EYS: variants seen among roughly 807,000 people sequenced by gnomAD.
The protein encoded by EYS is protein eyes shut homolog.
Under a neutral mutation model 282.1 loss-of-function variants are expected in EYS, and 250 were observed. The observed-to-expected ratio is 0.89, with a 90% CI of 0.80 to 0.98. The LOEUF is 0.98. Ranked by LOEUF, EYS falls within the 50% of genes least tolerant of loss-of-function variation. The pLI is 0.00. For missense variants in EYS, 4,016 were observed against 3,709.0 expected (o/e 1.08, Z -2.15); for synonymous variants, 1,355 against 1,282.9 (o/e 1.06, Z -1.20).
At chr6:64,192,894 G>T (rs1765159692) in intron 31 of EYS, among the ~76,000 whole-genome samples, 1 of 152,096 alleles carries the variant, frequency 6.6e-6, no homozygotes. Flanking sequence ...TTGTCCCATT[G>T]ATCTTTACTG....
chr6:64,509,442 T>C (rs887379551), intron 26 of EYS, among the ~76,000 whole-genome samples: 2 of 152,146 alleles, frequency 1.3e-5, no homozygotes, highest in African/African-American at 4.8e-5. Flanking sequence ...AATTATATGT[T>C]CCTTAAAGTG....
chr6:65,674,668 C>T (rs1468931899), intron 1 of EYS, among the ~76,000 whole-genome samples: 1 of 151,824 alleles, frequency 6.6e-6, no homozygotes, highest in Non-Finnish European at 1.5e-5. Context: ...GAAATAAAGA[C>T]ATTTCCAGAT....
At chr6:64,961,452 C>CAT (rs34407029) in intron 14 of EYS, among the ~76,000 whole-genome samples, 1,743 of 149,290 alleles carry the variant, frequency 0.012, 17 homozygotes, top group Admixed American at 0.018. Flanking sequence ...TCCAATATAT[C>CAT]ATATATATAT....
intron 35 of EYS, among the ~76,000 whole-genome samples, chr6:63,906,689 C>T (rs1225737705): frequency 6.6e-6 from 1 of 152,018 alleles, no homozygotes; most frequent in Non-Finnish European, 1.5e-5. Context: ...TTGCAAATCT[C>T]CTGTATTGCT....
At chr6:64,296,140 T>G (rs1272980213) in intron 30 of EYS, among the ~76,000 whole-genome samples, 1 of 152,176 alleles carries the variant, frequency 6.6e-6, no homozygotes, top group Non-Finnish European at 1.5e-5. Flanking sequence ...TTATCAAGTT[T>G]TGGCATAATA....
intron 12 of EYS, among the ~76,000 whole-genome samples, chr6:65,249,679 AAC>A (rs769071313): frequency 9.2e-5 from 14 of 152,088 alleles, no homozygotes; most frequent in Non-Finnish European, 1.8e-4. Context: ...CAAGCATTAA[AAC>A]ACATTTATTG....
intron 29 of EYS, among the ~76,000 whole-genome samples, chr6:64,335,593 G>C (rs6932371): frequency 1.3e-5 from 2 of 152,046 alleles, no homozygotes; most frequent in African/African-American, 2.4e-5. Context: ...CGTATGTCCG[G>C]CTGAGCCAGT....
At chr6:65,342,600 T>C (rs1435224912) in intron 10 of EYS, among the ~76,000 whole-genome samples, 4 of 150,574 alleles carry the variant, frequency 2.7e-5, no homozygotes, top group Admixed American at 6.6e-5. Flanking sequence ...TATAAAAATA[T>C]AGTCTCTAAA....
At chr6:64,197,570 T>C (rs1049429854) in intron 31 of EYS, among the ~76,000 whole-genome samples, 2 of 152,198 alleles carry the variant, frequency 1.3e-5, no homozygotes, top group African/African-American at 2.4e-5. Context: ...GTCTAACTTA[T>C]CATTTTGTCA....
In EYS at chr6:64,626,072, G is replaced by A. The variant is rs767554431; in HGVS notation, c.3568+49C>T. On this transcript the variant is annotated intron_variant, in intron 23 of 42. Transcript: ENST00000503581. ...CATGTCCATATACATTTACATAAACGTATATATTATTATATATGCAGTATG... is the reference window on the plus strand; with the variant it reads ...CATGTCCATATACATTTACATAAACATATATATTATTATATATGCAGTATG... 1.8e-4 allele frequency: 204 copies of A among 1,117,922 alleles called. 1 individual carries two copies. Among genetic ancestry groups the A allele is most frequent in the Non-Finnish European group, 2.4e-4 (185 of 777,692 alleles). The allele number at this position is 1,117,922 out of a possible 1,614,324, so 69.3% of individuals were successfully genotyped here.
chr6:65,281,315 T>C (rs1487997451), intron 12 of EYS, among the ~76,000 whole-genome samples: 1 of 152,130 alleles, frequency 6.6e-6, no homozygotes, highest in East Asian at 1.9e-4. Flanking sequence ...TAAATGTTAA[T>C]ATTCAACAGA....
At chr6:65,214,064 C>T (rs917986707) in intron 12 of EYS, among the ~76,000 whole-genome samples, 2 of 141,552 alleles carry the variant, frequency 1.4e-5, no homozygotes, top group Non-Finnish European at 3.0e-5. Flanking sequence ...GAGTCTGAGG[C>T]AGGAGAATGG....
intron 28 of EYS, among the ~76,000 whole-genome samples, chr6:64,420,538 C>T (rs1355902435): frequency 6.6e-6 from 1 of 152,096 alleles, no homozygotes; most frequent in Non-Finnish European, 1.5e-5. Flanking sequence ...ATGGAAACTG[C>T]CAAGATTTGG....
chr6:64,175,461 T>C (rs1223514153), intron 31 of EYS, among the ~76,000 whole-genome samples: 1 of 152,106 alleles, frequency 6.6e-6, no homozygotes, highest in Non-Finnish European at 1.5e-5. Context: ...AAGGATAAAT[T>C]ATTGCTTCAT....
chr6:64,568,169 T>C (rs554021379), intron 26 of EYS, among the ~76,000 whole-genome samples: 1 of 152,212 alleles, frequency 6.6e-6, no homozygotes, highest in Non-Finnish European at 1.5e-5. Flanking sequence ...ATAATAATTA[T>C]GTGAGGAAAC....
intron 13 of EYS, among the ~76,000 whole-genome samples, chr6:65,047,129 G>A (rs941979280): frequency 6.6e-6 from 1 of 151,150 alleles, no homozygotes; most frequent in African/African-American, 2.4e-5. Context: ...CCCAGTCTCA[G>A]GTAATTCTTT....
At position 65,423,535 on chromosome 6, in the gene EYS, G is replaced by T. The variant is rs188001683; in HGVS notation, c.863-18168C>A. Among the ~76,000 whole-genome samples, 105 of 151,948 alleles carry T rather than the reference G, an allele frequency of 6.9e-4. No individual in the cohort carries two copies. In the Middle Eastern group the frequency reaches 0.01, roughly 15 times the overall value. ...TTCTGATTCAGCGGGTCTACATTAG[G>T]TATCATAAATTGAGAATTTTTATTG... On this transcript the variant is annotated intron_variant, in intron 5 of 42. Transcript: ENST00000503581.
intron 1 of EYS, among the ~76,000 whole-genome samples, chr6:65,691,229 T>A (rs1769230251): frequency 6.7e-6 from 1 of 150,034 alleles, no homozygotes; most frequent in South Asian, 2.1e-4. Context: ...TTCTCCACAT[T>A]CTCTCCAGCA....
At chr6:64,748,914 A>G (rs1414995648) in intron 22 of EYS, among the ~76,000 whole-genome samples, 1 of 152,180 alleles carries the variant, frequency 6.6e-6, no homozygotes, top group Non-Finnish European at 1.5e-5. Flanking sequence ...CTGGGATTAC[A>G]GGGTTGTACC....
Sources: allele counts gnomAD v4.1 joint callset (sites outside exome capture counted in the v4.1 genomes callset), GRCh38; gene constraint gnomAD v4.1.1; transcripts MANE v1.5; gene names NCBI Gene and HGNC (gene_info 2026-07-23, HGNC 2026-07-21).